Variants in GUCD1 observed in about 807,000 individuals in gnomAD.
GUCD1 encodes protein GUCD1.
In GUCD1, 17 loss-of-function variants were observed where a neutral mutation model predicts 28.3. That is an observed-to-expected ratio of 0.60 (90% CI 0.41 to 0.90). The LOEUF is 0.90. GUCD1 is among the 40% of genes least tolerant of loss of function. The probability of loss-of-function intolerance (pLI) is 0.00; values close to 1 mark genes in which losing one functional copy is unlikely to be tolerated. For missense variants in GUCD1, 279 were observed against 305.5 expected, an observed-to-expected ratio of 0.91 and a Z score of 0.65; for synonymous variants, 129 against 123.3, an observed-to-expected ratio of 1.05 and a Z score of -0.30.
chr22:24,547,850 G>C lies in GUCD1; in HGVS notation c.294+58C>G, dbSNP rs1398398326. On this transcript the variant is annotated intron_variant, in intron 3 of 5. Coordinates refer to ENST00000435822, the MANE Select transcript of GUCD1 (RefSeq NM_001284254.2). Reference sequence around the variant, plus strand: ...TTCCCTCTTCCAACTACTGGAACCAGGTGGCCTTATACCTCTGTGTGGCCC... The same window carrying C: ...TTCCCTCTTCCAACTACTGGAACCACGTGGCCTTATACCTCTGTGTGGCCC... 7 of 1,570,342 alleles carry C rather than the reference G, an allele frequency of 4.5e-6. No individual in the cohort carries two copies. In the African/African-American group the frequency reaches 9.4e-5, roughly 21 times the overall value.
rs371120993 is a variant in GUCD1, at chr22:24,546,901, T to G, written c.386+13A>C. 1 of 1,611,572 alleles carries G rather than the reference T, an allele frequency of 6.2e-7. No individual in the cohort carries two copies. Among genetic ancestry groups the G allele is most frequent in the South Asian group, 1.1e-5 (1 of 91,026 alleles). On this transcript the variant is annotated intron_variant, in intron 4 of 5. Transcript: ENST00000435822. Reference sequence around the variant, plus strand: ...ATGAGAGGAAGGGCAGGTAGGAAAGTTGGGGGGCTCACCATTTCTCCACCA... The same window carrying G: ...ATGAGAGGAAGGGCAGGTAGGAAAGGTGGGGGGCTCACCATTTCTCCACCA...
chr22:24,555,574 A>G (rs978304505), upstream of GUCD1: 5 of 1,544,710 alleles, frequency 3.2e-6, no homozygotes, highest in East Asian at 4.9e-5. Context: ...ACCTAACTTT[A>G]TCCGTACCAG....
chr22:24,550,349 T>A (rs951442031), intron 1 of GUCD1, among the ~76,000 whole-genome samples: 2 of 151,986 alleles, frequency 1.3e-5, no homozygotes, highest in Non-Finnish European at 2.9e-5. Flanking sequence ...AGGCCTAGGC[T>A]GGGGAAAACA....
Position 24,545,965 on chromosome 22 carries a change from C to T in GUCD1, c.386+949G>A, listed in dbSNP as rs182547861. 1.2e-3 allele frequency among the ~76,000 whole-genome samples: 184 copies of T among 150,530 alleles called. 1 individual carries two copies. The highest frequency in any genetic ancestry group is 4.1e-3 in the African/African-American group (169 of 41,022). ...ACATCCTGGATTTGCCTTTCTGTTT[C>T]CTTGAGGGCAGATTCAGACAGAGTC... On this transcript the variant is annotated intron_variant, in intron 4 of 5. Transcript: ENST00000435822.
At chr22:24,548,124 T>G in intron 2 of GUCD1, 51 bp from the exon 3 acceptor site, 1 of 1,527,198 alleles carries the variant, frequency 6.5e-7, no homozygotes, top group Non-Finnish European at 9.0e-7. Flanking sequence ...GGTCAACTGG[T>G]CTGAGTCACC....
At position 24,542,966 on chromosome 22, in the gene GUCD1, G is replaced by C. The variant is rs1038300052; in HGVS notation, c.*40C>G. 1 of 1,465,870 alleles carries C rather than the reference G, an allele frequency of 6.8e-7. No individual in the cohort carries two copies. The highest frequency in any genetic ancestry group is 9.6e-7 in the Non-Finnish European group (1 of 1,045,608). The allele number at this position is 1,465,870 out of a possible 1,614,324, so 90.8% of individuals were successfully genotyped here. ...TCCTGAGCGGGCCCGGCTGGGGTGG[G>C]GATGGGGTCCGAGGGCCTAGGCGCA... On this transcript the variant is annotated 3_prime_UTR_variant, in exon 6 of 6. Transcript: ENST00000435822.
At position 24,547,710 on chromosome 22, in the gene GUCD1, C is replaced by T. The variant is rs568075064; in HGVS notation, c.294+198G>A. Reference sequence around the variant, plus strand: ...AGTACTCAGATCCTCTGGGCAGGCCCGACTGCAAGGGCACCTGCTCTGACT... The same window carrying T: ...AGTACTCAGATCCTCTGGGCAGGCCTGACTGCAAGGGCACCTGCTCTGACT... On this transcript the variant is annotated intron_variant, in intron 3 of 5. Transcript: ENST00000435822. 9.0e-5 allele frequency: 52 copies of T among 579,958 alleles called. No individual in the cohort carries two copies. In the East Asian group the frequency reaches 1.3e-3, roughly 15 times the overall value. The allele number at this position is 579,958 out of a possible 1,614,324, so 35.9% of individuals were successfully genotyped here.
intron 1 of GUCD1, 101 bp from the exon 2 acceptor site, chr22:24,549,102 G>A (rs1310132243): frequency 2.7e-6 from 2 of 740,190 alleles, no homozygotes; most frequent in South Asian, 3.5e-5. Flanking sequence ...GACCCTGCAG[G>A]GGCTGCTCAG....
intron 4 of GUCD1, among the ~76,000 whole-genome samples, chr22:24,546,596 T>C (rs1263948151): frequency 1.3e-5 from 2 of 152,216 alleles, no homozygotes; most frequent in African/African-American, 2.4e-5. Context: ...CGCCCTTTCA[T>C]TAGGGGCCTT....
At chr22:24,550,282 A>G (rs1162238507) in intron 1 of GUCD1, among the ~76,000 whole-genome samples, 1 of 152,244 alleles carries the variant, frequency 6.6e-6, no homozygotes, top group Non-Finnish European at 1.5e-5. Context: ...ACAGCAGTGA[A>G]TGACACAAAG....
intron 1 of GUCD1, among the ~76,000 whole-genome samples, chr22:24,551,860 T>C (rs1303563127): frequency 6.6e-6 from 1 of 152,228 alleles, no homozygotes; most frequent in Non-Finnish European, 1.5e-5. Flanking sequence ...TGTGGTGGTA[T>C]GAAGAAATGG....
chr22:24,544,163 TTC>T, intron 4 of GUCD1, 80 bp from the exon 5 acceptor site: 2 of 1,545,732 alleles, frequency 1.3e-6, no homozygotes, highest in Non-Finnish European at 1.7e-6. Flanking sequence ...TTGTGCCTGT[TTC>T]TCTGTTACAA....
chr22:24,545,608 T>C (rs2044705008), intron 4 of GUCD1, among the ~76,000 whole-genome samples: 1 of 148,102 alleles, frequency 6.8e-6, no homozygotes, highest in African/African-American at 2.5e-5. Context: ...CCCCACTATA[T>C]TCTTTTTTTT....
At chr22:24,555,184 GAGGCCCCGCCCCCTCCTT>G (rs1166181055), upstream of GUCD1, 29 of 1,302,204 alleles carry the variant, frequency 2.2e-5, no homozygotes, top group Middle Eastern at 2.9e-4. Context: ...CTCGAATCTG[GAGGCCCCGCCCCCTCCTT>G]AGGCCCCGCC....
chr22:24,546,842 G>C, intron 4 of GUCD1, 72 bp downstream of exon 4: 1 of 1,329,534 alleles, frequency 7.5e-7, no homozygotes, highest in Non-Finnish European at 1.1e-6. Flanking sequence ...ACCATCCCGA[G>C]GCCTCCCCAC....
In GUCD1 at chr22:24,543,834, G is replaced by A; in HGVS notation, c.628+8C>T. 6.2e-7 allele frequency: 1 copy of A among 1,613,402 alleles called. No individual in the cohort carries two copies. Among genetic ancestry groups the A allele is most frequent in the African/African-American group, 1.3e-5 (1 of 75,016 alleles). On this transcript the variant is annotated splice_region_variant and intron_variant, in intron 5 of 5. Transcript: ENST00000435822. ...CACTCTGCCTCACCCACCCCACCCA[G>A]CACTCACGGTCGGCATAGGCTGGGT...
At position 24,543,974 on chromosome 22, in the gene GUCD1, A is replaced by C; in HGVS notation, c.496T>G (p.Tyr166Asp). The change falls in exon 5 of 6, where the codon TAC becomes GAC. Residue 166 changes from tyrosine to aspartate, a missense_variant. Coordinates refer to ENST00000435822, the MANE Select transcript of GUCD1 (RefSeq NM_001284254.2). ...TGGCCACTGGGGGTGAAGCAGCAGT[A>C]CTTGACAGGGCTGGAGCACAGGTCA... ...HCDLCSSPVK[Y>D]CCFTPSGHHC... is the part of the protein sequence containing the mutation. 2 of 1,614,042 alleles carry C rather than the reference A, an allele frequency of 1.2e-6. No homozygotes were observed. The highest frequency in any genetic ancestry group is 1.7e-6 in the Non-Finnish European group (2 of 1,179,976).
chr22:24,550,293 T>C (rs780296669), intron 1 of GUCD1, among the ~76,000 whole-genome samples: 3 of 152,200 alleles, frequency 2.0e-5, no homozygotes, highest in Non-Finnish European at 4.4e-5. Context: ...TGACACAAAG[T>C]CACTCTCCTG....
At chr22:24,555,145 C>T (rs926817842), upstream of GUCD1, 2 of 1,305,556 alleles carry the variant, frequency 1.5e-6, no homozygotes, top group Non-Finnish European at 1.9e-6. Context: ...GGCTGGGCCG[C>T]CCCAAGCGCC....
Sources: gnomAD v4.1 joint callset for allele counts (sites outside exome capture counted in the v4.1 genomes callset) on GRCh38, gnomAD v4.1.1 for gene constraint, MANE v1.5 for transcripts, NCBI Gene and HGNC (gene_info 2026-07-23, HGNC 2026-07-21) for gene names.